UGGT2: variants seen among roughly 807,000 people sequenced by gnomAD.
UGGT2 encodes the protein UDP-glucose:glycoprotein glucosyltransferase 2.
A neutral mutation model predicts 192.1 loss-of-function variants in UGGT2; 180 were observed. That is an observed-to-expected ratio of 0.94 (90% confidence interval 0.83 to 1.06). The LOEUF (loss-of-function observed/expected upper bound fraction) is 1.06. Among genes scored for constraint, UGGT2 ranks in the 50% least tolerant of loss-of-function variants. The probability of loss-of-function intolerance (pLI) is 0.00; values close to 1 mark genes in which losing one functional copy is unlikely to be tolerated. For synonymous variants in UGGT2, 580 were observed against 591.0 expected, an observed-to-expected ratio of 0.98 and a Z score of 0.27; for missense variants, 1,849 against 1,795.7, an observed-to-expected ratio of 1.03 and a Z score of -0.54.
chr13:95,902,879 T>A lies in UGGT2; in HGVS notation c.2477A>T (p.Asp826Val), dbSNP rs754464494. Residue 826 changes from aspartate to valine, a missense_variant, in exon 21 of 39, where the codon GAT becomes GTT. Transcript: ENST00000376747. ...EEIATAIYSG[D>V]KIKTFLIEGM... ...CTCAATAAGGAATGTTTTAATTTTA[T>A]CTCCAGAGTAAATAGCTGTAGCAAT... The A allele has an allele frequency of 1.4e-5, 23 of 1,613,014 alleles. No individual in the cohort carries two copies. The African/African-American group carries it at 2.3e-4, about 16-fold the overall frequency.
chr13:95,828,340 C>T lies in UGGT2; in HGVS notation c.4528+4587G>A, dbSNP rs139933749. The stretch of plus-strand genomic sequence containing the variant: ...AAGATCAGAGCACAACTGAAGGAGA[C>T]AGAGACACAAAAAACCCTTCAAAAA... On this transcript the variant is annotated intron_variant, in intron 38 of 38. Transcript: ENST00000376747. Among the ~76,000 whole-genome samples, 549 of 151,972 alleles carry T rather than the reference C, an allele frequency of 3.6e-3. 3 individuals carry two copies. Among genetic ancestry groups the T allele is most frequent in the Middle Eastern group, 0.014 (4 of 292 alleles).
At chr13:95,958,223 C>T (rs988470542) in intron 12 of UGGT2, among the ~76,000 whole-genome samples, 1 of 151,920 alleles carries the variant, frequency 6.6e-6, no homozygotes, top group African/African-American at 2.4e-5. Flanking sequence ...ACGATCTTGG[C>T]TCACTGCAAG....
In UGGT2 at chr13:95,877,281, A is replaced by T; in HGVS notation, c.3471T>A (p.Val1157=). ...QGKSEDIYQI[V]GHEGTDSQAD... ...TAAAAGCAGCCTGCATAACTCACCC[A>T]ACTATTTGATAAATATCTTCAGATT... The change falls in exon 29 of 39, where the codon GTT becomes GTA. Residue 1157 remains valine, a splice_region_variant and synonymous_variant. Transcript: ENST00000376747. 6.3e-7 allele frequency: 1 copy of T among 1,591,212 alleles called. No individual in the cohort carries two copies. The highest frequency in any genetic ancestry group is 8.5e-7 in the Non-Finnish European group (1 of 1,171,756).
At chr13:96,037,076 A>G (rs1178656414) in intron 1 of UGGT2, among the ~76,000 whole-genome samples, 2 of 152,230 alleles carry the variant, frequency 1.3e-5, no homozygotes, top group African/African-American at 2.4e-5. Context: ...TATACGCACT[A>G]AAGAGTTTGA....
Position 95,859,675 on chromosome 13 carries a change from T to C in UGGT2, c.3741A>G (p.Arg1247=). ...TACGCAAAACAGAAAGCATCATAAT[T>C]CTGTATAAAAGAATATTAAACCCAA... ...ASGHLYERFL[R]IMMLSVLRNT... is the part of the protein sequence containing the mutation. Residue 1247 remains arginine, a splice_region_variant and synonymous_variant, in exon 33 of 39, where the codon AGA becomes AGG. Coordinates refer to ENST00000376747, the MANE Select transcript of UGGT2 (RefSeq NM_020121.4). The C allele has an allele frequency of 1.9e-6, 3 of 1,605,270 alleles. No individual in the cohort carries two copies. The highest frequency in any genetic ancestry group is 2.6e-6 in the Non-Finnish European group (3 of 1,175,520).
chr13:96,023,064 T>A lies in UGGT2; in HGVS notation c.461A>T (p.Lys154Met), dbSNP rs1202552346. ...KHTCKINEIK[K>M]LLKKAASRTR... ...CCTTGAAGCAGCTTTCTTCAGCAGC[T>A]TTTTAATCTCATTAATTTTACAGGT... Residue 154 changes from lysine to methionine, a missense_variant, in exon 4 of 39, where the codon AAG (lysine) becomes ATG (methionine). Physicochemically the swap from Lys to Met is moderately conservative, Grantham distance 95. Transcript: ENST00000376747. The A allele has an allele frequency of 1.3e-6, 2 of 1,588,686 alleles. No homozygotes were observed. The highest frequency in any genetic ancestry group is 1.7e-6 in the Non-Finnish European group (2 of 1,166,160).
intron 20 of UGGT2, among the ~76,000 whole-genome samples, chr13:95,924,560 G>A (rs1279299215): frequency 2.0e-5 from 3 of 151,858 alleles, no homozygotes; most frequent in Admixed American, 6.6e-5. Flanking sequence ...TGGCCCCAAC[G>A]ATCCCCATCT....
chr13:95,930,464 GT>G (rs1314780020), intron 17 of UGGT2, among the ~76,000 whole-genome samples: 1 of 152,172 alleles, frequency 6.6e-6, no homozygotes, highest in Non-Finnish European at 1.5e-5. Context: ...TAGGGGTCCA[GT>G]TTTGTTTGCA....
intron 24 of UGGT2, among the ~76,000 whole-genome samples, chr13:95,893,784 C>G (rs1485363406): frequency 5.9e-5 from 9 of 152,050 alleles, no homozygotes; most frequent in Admixed American, 5.2e-4. Context: ...GCTACTTTTA[C>G]AATTAACGAG....
At chr13:95,887,440 T>C (rs1421027500) in intron 26 of UGGT2, 3 of 370,054 alleles carry the variant, frequency 8.1e-6, no homozygotes, top group Non-Finnish European at 1.6e-5. Context: ...ATGAGGAATA[T>C]TTGTATATAA....
chr13:95,877,166 G>A (rs1261705514), intron 29 of UGGT2, 113 bp downstream of exon 29: 2 of 868,416 alleles, frequency 2.3e-6, no homozygotes, highest in Non-Finnish European at 3.4e-6. Flanking sequence ...ACAGGCTTGA[G>A]CCACTGCGCC....
chr13:96,053,212 GACTTGGACGC>G lies in UGGT2; in HGVS notation c.91_100del (p.Ala31ArgfsTer2). 1 of 1,535,232 alleles carries G rather than the reference GACTTGGACGC, an allele frequency of 6.5e-7. No individual in the cohort carries two copies. On this transcript the variant is annotated frameshift_variant, in exon 1 of 39. Coordinates refer to ENST00000376747, the MANE Select transcript of UGGT2 (RefSeq NM_020121.4). LOFTEE classifies it high-confidence loss of function. Reference sequence around the variant, plus strand: ...CTTCGCGGCCAAGTGGGCAGTCACCGACTTGGACGCGGCGACCGTCCCGGAGCCGAGCTGC... The same window carrying G: ...CTTCGCGGCCAAGTGGGCAGTCACCGGGCGACCGTCCCGGAGCCGAGCTGC...
At chr13:95,865,548 C>T (rs1470035732) in intron 30 of UGGT2, among the ~76,000 whole-genome samples, 1 of 152,150 alleles carries the variant, frequency 6.6e-6, no homozygotes, top group Non-Finnish European at 1.5e-5. Flanking sequence ...CCTGTGGTCC[C>T]AGTTACTCAG....
At chr13:95,995,994 G>C (rs577239362) in intron 7 of UGGT2, 69 bp downstream of exon 7, 1 of 1,316,978 alleles carries the variant, frequency 7.6e-7, no homozygotes, top group East Asian at 2.3e-5. Flanking sequence ...TGGCAAAACA[G>C]TATATCAAAT....
intron 8 of UGGT2, among the ~76,000 whole-genome samples, chr13:95,986,651 CTT>C (rs899708801): frequency 1.3e-5 from 2 of 152,058 alleles, no homozygotes; most frequent in South Asian, 2.1e-4. Context: ...TTTAATACCT[CTT>C]GTTTCCACAA....
intron 17 of UGGT2, among the ~76,000 whole-genome samples, chr13:95,933,676 TTTTTTG>T (rs1235022726): frequency 3.1e-5 from 4 of 129,806 alleles, no homozygotes; most frequent in South Asian, 4.9e-4. Flanking sequence ...AGTTCTAAAT[TTTTTTG>T]TTTTTGTTTT....
At chr13:96,004,207 A>G (rs921019204) in intron 5 of UGGT2, among the ~76,000 whole-genome samples, 8 of 152,006 alleles carry the variant, frequency 5.3e-5, no homozygotes, top group Non-Finnish European at 1.0e-4. Flanking sequence ...TGTTTTTAAA[A>G]TTTTTTATTT....
chr13:95,899,369 T>C (rs965297703), intron 22 of UGGT2, among the ~76,000 whole-genome samples: 1 of 152,178 alleles, frequency 6.6e-6, no homozygotes, highest in African/African-American at 2.4e-5. Flanking sequence ...ATTAGCCCCA[T>C]GAAAACGTAG....
chr13:95,973,167 T>A (rs753986052), intron 10 of UGGT2, among the ~76,000 whole-genome samples: 1 of 151,618 alleles, frequency 6.6e-6, no homozygotes, highest in Non-Finnish European at 1.5e-5. Flanking sequence ...CGAAACTCCA[T>A]CTCAAAAAAA....
Sources: gnomAD v4.1 joint callset for allele counts (sites outside exome capture counted in the v4.1 genomes callset) on GRCh38, gnomAD v4.1.1 for gene constraint, MANE v1.5 for transcripts, NCBI Gene and HGNC (gene_info 2026-07-23, HGNC 2026-07-21) for gene names.